The following PCGF6 variants were observed in gnomAD, a reference collection of about 807,000 sequenced individuals.
PCGF6 encodes polycomb group RING finger protein 6.
PCGF6 carries 24 observed loss-of-function variants against 45.5 expected under a neutral mutation model. The observed-to-expected ratio is 0.53, with a 90% CI of 0.38 to 0.74. PCGF6 has a LOEUF of 0.74. PCGF6 is among the 30% of genes least tolerant of loss of function. The pLI is 0.00. For missense variants in PCGF6, 356 were observed against 443.2 expected (o/e 0.80, Z 1.77); for synonymous variants, 152 against 162.1 (o/e 0.94, Z 0.47).
At chr10:103,340,876 T>C (rs1318419875) in intron 6 of PCGF6, among the ~76,000 whole-genome samples, 2 of 152,202 alleles carry the variant, frequency 1.3e-5, no homozygotes, top group Non-Finnish European at 2.9e-5. Flanking sequence ...GTGCTAGGAT[T>C]ACAGGCATAA....
At chr10:103,319,104 T>C (rs1363153484) in intron 8 of PCGF6, among the ~76,000 whole-genome samples, 1 of 152,188 alleles carries the variant, frequency 6.6e-6, no homozygotes, top group Non-Finnish European at 1.5e-5. Flanking sequence ...TTAAGATTTT[T>C]CAATCAGTGT....
intron 9 of PCGF6, among the ~76,000 whole-genome samples, chr10:103,305,998 T>C (rs1277366410): frequency 6.6e-6 from 1 of 152,178 alleles, no homozygotes; most frequent in African/African-American, 2.4e-5. Context: ...AGATGCTATG[T>C]GTCCAAGTCT....
At chr10:103,339,193 T>C (rs1204239306) in intron 6 of PCGF6, among the ~76,000 whole-genome samples, 1 of 151,710 alleles carries the variant, frequency 6.6e-6, no homozygotes, top group Non-Finnish European at 1.5e-5. Flanking sequence ...GGCGGGTAGA[T>C]TGCTTGAGCC....
chr10:103,318,171 G>T (rs536851163), intron 8 of PCGF6, among the ~76,000 whole-genome samples: 1 of 151,448 alleles, frequency 6.6e-6, no homozygotes, highest in African/African-American at 2.4e-5. Flanking sequence ...AACTGGGTGC[G>T]GTGGCTCACG....
At chr10:103,313,717 T>C (rs2093165184) in intron 9 of PCGF6, among the ~76,000 whole-genome samples, 1 of 152,254 alleles carries the variant, frequency 6.6e-6, no homozygotes, top group Admixed American at 6.5e-5. Context: ...GGCCACAGGT[T>C]GGACAAACTT....
intron 8 of PCGF6, among the ~76,000 whole-genome samples, chr10:103,315,515 A>G (rs1382031532): frequency 6.6e-6 from 1 of 152,014 alleles, no homozygotes; most frequent in Non-Finnish European, 1.5e-5. Context: ...ACCCACCACC[A>G]TGCCCAGCTT....
At chr10:103,331,005 C>G (rs1005602529) in intron 7 of PCGF6, among the ~76,000 whole-genome samples, 1 of 152,164 alleles carries the variant, frequency 6.6e-6, no homozygotes, top group Admixed American at 6.6e-5. Context: ...CTGACAACCA[C>G]TAATCTGCTT....
At chr10:103,326,257 C>T (rs1434701587) in intron 8 of PCGF6, among the ~76,000 whole-genome samples, 1 of 151,736 alleles carries the variant, frequency 6.6e-6, no homozygotes, top group Non-Finnish European at 1.5e-5. Context: ...GGTGCAGTGG[C>T]AGGTGCCTGT....
intron 6 of PCGF6, among the ~76,000 whole-genome samples, chr10:103,339,345 G>C (rs1038410601): frequency 1.2e-4 from 18 of 152,208 alleles, no homozygotes; most frequent in African/African-American, 4.3e-4. Context: ...ACCTGAGATC[G>C]CGCCACTGCA....
At chr10:103,343,332 TAA>T (rs2093287798) in intron 6 of PCGF6, among the ~76,000 whole-genome samples, 1 of 151,698 alleles carries the variant, frequency 6.6e-6, no homozygotes, top group Non-Finnish European at 1.5e-5. Context: ...CCTAGAGTTA[TAA>T]AGAGATGACT....
chr10:103,338,765 G>A (rs189645887), intron 6 of PCGF6, among the ~76,000 whole-genome samples: 106 of 152,076 alleles, frequency 7.0e-4, no homozygotes, highest in Non-Finnish European at 1.2e-3. Context: ...CTACTTGGGA[G>A]GCTAAGGCAG....
At chr10:103,348,569 C>T in intron 3 of PCGF6, 147 bp downstream of exon 3, 1 of 596,344 alleles carries the variant, frequency 1.7e-6, no homozygotes, top group Non-Finnish European at 2.8e-6. Flanking sequence ...AAGTGATCCA[C>T]TCACCTCGGC....
intron 6 of PCGF6, among the ~76,000 whole-genome samples, chr10:103,337,521 A>G (rs1295212552): frequency 6.6e-6 from 1 of 152,232 alleles, no homozygotes; most frequent in Admixed American, 6.6e-5. Context: ...ACTCTGAGTT[A>G]GTCTTCAAAA....
intron 9 of PCGF6, among the ~76,000 whole-genome samples, chr10:103,304,429 C>T (rs1307197473): frequency 6.6e-6 from 1 of 152,146 alleles, no homozygotes; most frequent in Non-Finnish European, 1.5e-5. Flanking sequence ...CAGCCTATGC[C>T]TCCCAGGTTC....
chr10:103,323,700 C>A (rs2093206239), intron 8 of PCGF6, among the ~76,000 whole-genome samples: 1 of 151,782 alleles, frequency 6.6e-6, no homozygotes, highest in Non-Finnish European at 1.5e-5. Flanking sequence ...AATAGCGATT[C>A]TCTTGCCTCA....
intron 6 of PCGF6, among the ~76,000 whole-genome samples, chr10:103,336,232 T>G (rs1462009292): frequency 1.4e-5 from 2 of 147,180 alleles, no homozygotes; most frequent in Admixed American, 1.4e-4. Flanking sequence ...AGACTGCGTC[T>G]CCAAAAAAAA....
intron 1 of PCGF6, 56 bp from the exon 2 acceptor site, chr10:103,349,055 T>C: frequency 8.5e-7 from 1 of 1,171,634 alleles, no homozygotes; most frequent in Non-Finnish European, 1.2e-6. Flanking sequence ...TACAAATTCT[T>C]TTTTTTTTTT....
At chr10:103,333,859 A>C (rs1440575050) in intron 7 of PCGF6, 66 bp downstream of exon 7, 2 of 1,213,982 alleles carry the variant, frequency 1.6e-6, no homozygotes, top group African/African-American at 3.2e-5. Context: ...TTTGGTTGCT[A>C]ATCTGACTCG....
At chr10:103,347,348 G>C in intron 4 of PCGF6, 47 bp downstream of exon 4, 1 of 1,586,878 alleles carries the variant, frequency 6.3e-7, no homozygotes, top group Non-Finnish European at 8.6e-7. Context: ...GTAACTACTA[G>C]AGTCAGAGAT....
Sources: allele counts gnomAD v4.1 joint callset (sites outside exome capture counted in the v4.1 genomes callset), GRCh38; gene constraint gnomAD v4.1.1; transcripts MANE v1.5; gene names NCBI Gene and HGNC (gene_info 2026-07-23, HGNC 2026-07-21).